Variants in NKAIN3 observed in about 807,000 individuals in gnomAD.
NKAIN3 encodes the protein sodium/potassium transporting ATPase interacting 3.
Under a neutral mutation model 30.2 loss-of-function variants are expected in NKAIN3, and 25 were observed. The ratio of observed to expected loss-of-function variants is 0.83; its 90% CI spans 0.60 to 1.16. NKAIN3 has a LOEUF of 1.16. Ranked by LOEUF, NKAIN3 falls within the 50% of genes most tolerant of loss-of-function variation. NKAIN3 has a pLI of 0.00. For synonymous variants in NKAIN3, 91 were observed against 89.6 expected (o/e 1.02, Z -0.09); for missense variants, 225 against 254.1 (o/e 0.89, Z 0.78).
intron 4 of NKAIN3, among the ~76,000 whole-genome samples, chr8:62,763,496 A>C (rs1816739217): frequency 6.6e-6 from 1 of 152,174 alleles, no homozygotes; most frequent in South Asian, 2.1e-4. Context: ...CTTTCATTTA[A>C]AATTGATTTA....
At chr8:62,562,940 C>T (rs976266820) in intron 1 of NKAIN3, among the ~76,000 whole-genome samples, 3 of 152,034 alleles carry the variant, frequency 2.0e-5, no homozygotes, top group East Asian at 1.9e-4. Flanking sequence ...TGTCTCCTGT[C>T]GTCTCATGCT....
chr8:62,337,444 G>A (rs1325811226), intron 1 of NKAIN3, among the ~76,000 whole-genome samples: 2 of 151,810 alleles, frequency 1.3e-5, no homozygotes, highest in African/African-American at 4.8e-5. Context: ...ACAGAATGAA[G>A]TATATCAGGG....
intron 1 of NKAIN3, among the ~76,000 whole-genome samples, chr8:62,285,563 A>G (rs1184664234): frequency 1.3e-5 from 2 of 152,030 alleles, no homozygotes; most frequent in African/African-American, 4.8e-5. Context: ...TTCTGCTCCC[A>G]GTGGGGCTCT....
chr8:62,546,032 G>A (rs1284791429), intron 1 of NKAIN3, among the ~76,000 whole-genome samples: 1 of 152,100 alleles, frequency 6.6e-6, no homozygotes, highest in Non-Finnish European at 1.5e-5. Flanking sequence ...ACATTTCTGT[G>A]AGTTTGAGCA....
chr8:62,569,576 G>A (rs10113448), intron 1 of NKAIN3, among the ~76,000 whole-genome samples: 2 of 151,932 alleles, frequency 1.3e-5, no homozygotes, highest in Non-Finnish European at 2.9e-5. Flanking sequence ...AGGACTTTGA[G>A]AACAGACTGG....
intron 4 of NKAIN3, among the ~76,000 whole-genome samples, chr8:62,858,960 G>A (rs1820151954): frequency 6.6e-6 from 1 of 152,138 alleles, no homozygotes; most frequent in African/African-American, 2.4e-5. Context: ...CCTTTGTTGG[G>A]GATCCCAGGA....
chr8:62,413,206 T>G (rs1222313792), intron 1 of NKAIN3, among the ~76,000 whole-genome samples: 1 of 152,198 alleles, frequency 6.6e-6, no homozygotes, highest in Non-Finnish European at 1.5e-5. Flanking sequence ...GAATGTAAAT[T>G]TGTTCAGCCA....
At chr8:62,579,851 T>C (rs764941925) in intron 2 of NKAIN3, among the ~76,000 whole-genome samples, 175 bp downstream of exon 2, 1 of 152,174 alleles carries the variant, frequency 6.6e-6, no homozygotes, top group African/African-American at 2.4e-5. Context: ...AAATAATGAA[T>C]GTTGTACAGT....
chr8:62,777,322 T>G (rs1196887206), intron 4 of NKAIN3, among the ~76,000 whole-genome samples: 1 of 152,182 alleles, frequency 6.6e-6, no homozygotes, highest in Non-Finnish European at 1.5e-5. Context: ...TTACAGGTAA[T>G]AAGTCTCAGA....
intron 4 of NKAIN3, among the ~76,000 whole-genome samples, chr8:62,857,452 T>A (rs1820097353): frequency 6.6e-6 from 1 of 152,194 alleles, no homozygotes; most frequent in African/African-American, 2.4e-5. Context: ...TCCAAATTGG[T>A]TCCATTCTCC....
At chr8:62,656,936 C>G (rs1812780032) in intron 3 of NKAIN3, among the ~76,000 whole-genome samples, 1 of 152,134 alleles carries the variant, frequency 6.6e-6, no homozygotes, top group South Asian at 2.1e-4. Flanking sequence ...TAAAAAACAT[C>G]TATCATGAGA....
At chr8:62,268,376 C>T (rs530215022) in intron 1 of NKAIN3, among the ~76,000 whole-genome samples, 1 of 152,270 alleles carries the variant, frequency 6.6e-6, no homozygotes, top group Non-Finnish European at 1.5e-5. Flanking sequence ...CTGTCTTCCC[C>T]TGGATCAATC....
intron 4 of NKAIN3, among the ~76,000 whole-genome samples, chr8:62,848,295 A>G (rs1020119422): frequency 6.6e-6 from 1 of 151,946 alleles, no homozygotes; most frequent in Non-Finnish European, 1.5e-5. Context: ...TATTGATTCT[A>G]TCCACGAGCA....
At chr8:62,483,400 TA>T in intron 1 of NKAIN3, 1 of 213,786 alleles carries the variant, frequency 4.7e-6, no homozygotes, top group Non-Finnish European at 9.9e-6. Flanking sequence ...TGTTTCCTTG[TA>T]AACTCTTCAG....
intron 4 of NKAIN3, among the ~76,000 whole-genome samples, chr8:62,915,677 C>T (rs1822075168): frequency 6.6e-6 from 1 of 152,114 alleles, no homozygotes; most frequent in Non-Finnish European, 1.5e-5. Context: ...CACACACACC[C>T]CTAAGGGAGA....
intron 3 of NKAIN3, among the ~76,000 whole-genome samples, chr8:62,655,815 C>A (rs947010138): frequency 1.3e-5 from 2 of 151,850 alleles, no homozygotes; most frequent in African/African-American, 4.8e-5. Flanking sequence ...CAGGTGTTTG[C>A]AAACATGGGT....
At chr8:62,772,503 CCTTT>C (rs1817051221) in intron 4 of NKAIN3, among the ~76,000 whole-genome samples, 1 of 152,062 alleles carries the variant, frequency 6.6e-6, no homozygotes, top group African/African-American at 2.4e-5. Flanking sequence ...GCATTTATTG[CCTTT>C]CTTTTGGATA....
At chr8:62,550,590 G>C (rs1218817159) in intron 1 of NKAIN3, among the ~76,000 whole-genome samples, 1 of 152,174 alleles carries the variant, frequency 6.6e-6, no homozygotes, top group African/African-American at 2.4e-5. Context: ...TCCAAAAATG[G>C]AGAGTAGAAA....
chr8:62,299,206 A>G (rs1813951982), intron 1 of NKAIN3, among the ~76,000 whole-genome samples: 1 of 152,154 alleles, frequency 6.6e-6, no homozygotes, highest in African/African-American at 2.4e-5. Flanking sequence ...CACTTTTATA[A>G]AAATTTATTT....
Sources: gnomAD v4.1 joint callset for allele counts (sites outside exome capture counted in the v4.1 genomes callset) on GRCh38, gnomAD v4.1.1 for gene constraint, MANE v1.5 for transcripts, NCBI Gene and HGNC (gene_info 2026-07-23, HGNC 2026-07-21) for gene names.